Variants in WDPCP observed in about 807,000 individuals in gnomAD.
WDPCP encodes the protein WD repeat containing planar cell polarity effector, also known as WD repeat-containing and planar cell polarity effector protein fritz homolog.
In WDPCP, 71 loss-of-function variants were observed where a neutral mutation model predicts 93.1. The ratio of observed to expected loss-of-function variants is 0.76; its 90% confidence interval spans 0.63 to 0.93. The LOEUF (loss-of-function observed/expected upper bound fraction) is 0.93, where lower values mean the gene tolerates loss of function less well. WDPCP is among the 40% of genes least tolerant of loss of function. The probability of loss-of-function intolerance (pLI) is 0.00; values close to 1 mark genes in which losing one functional copy is unlikely to be tolerated. For synonymous variants in WDPCP, 315 were observed against 315.0 expected (o/e 1.00, Z 0.00); for missense variants, 844 against 887.4 (o/e 0.95, Z 0.62).
chr2:63,344,676 A>G (rs889763248), intron 12 of WDPCP, among the ~76,000 whole-genome samples: 5 of 152,144 alleles, frequency 3.3e-5, no homozygotes, highest in African/African-American at 1.2e-4. Flanking sequence ...TCTCAGACAT[A>G]TAGGTATTAC....
chr2:63,553,348 C>T (rs1451207657), intron 1 of WDPCP, among the ~76,000 whole-genome samples: 1 of 152,120 alleles, frequency 6.6e-6, no homozygotes, highest in African/African-American at 2.4e-5. Flanking sequence ...GATCCTGGTA[C>T]GTGTTAGAGC....
rs567719861 is a variant in WDPCP, at chr2:63,119,633, C to T, written c.*2373G>A. 11 of 152,206 alleles carry T rather than the reference C, an allele frequency of 7.2e-5. No homozygotes were observed. In the South Asian group the frequency reaches 2.1e-3, roughly 29 times the overall value. 9.4% of individuals were successfully genotyped at this position (152,206 alleles called of 1,614,324 possible). On this transcript the variant is annotated 3_prime_UTR_variant, in exon 18 of 18. Coordinates refer to ENST00000272321, the MANE Select transcript of WDPCP (RefSeq NM_015910.7). ...CTAATATAAATTACTGTGGAAATTA[C>T]CTCAGATCTGAGAAATCTGGAAAAT... is the stretch of plus-strand genomic sequence containing the variant.
chr2:63,478,644 C>T (rs1453599144), intron 6 of WDPCP, among the ~76,000 whole-genome samples: 1 of 152,062 alleles, frequency 6.6e-6, no homozygotes, highest in African/African-American at 2.4e-5. Context: ...ATAATAGTGA[C>T]TCAGCCTATC....
intron 1 of WDPCP, among the ~76,000 whole-genome samples, chr2:63,540,125 C>A (rs547539750): frequency 1.6e-4 from 25 of 152,176 alleles, no homozygotes; most frequent in Non-Finnish European, 2.9e-5. Context: ...ATATTCAAGA[C>A]AAAAACAAGT....
chr2:63,296,953 A>G (rs1684914469), intron 13 of WDPCP, among the ~76,000 whole-genome samples: 1 of 152,198 alleles, frequency 6.6e-6, no homozygotes, highest in Admixed American at 6.5e-5. Flanking sequence ...TAAAGTTCTT[A>G]TCGAATCAAA....
chr2:63,343,073 C>T (rs979664375), intron 12 of WDPCP, among the ~76,000 whole-genome samples: 4 of 152,118 alleles, frequency 2.6e-5, no homozygotes, highest in Non-Finnish European at 4.4e-5. Context: ...GGTGCCATCT[C>T]AGCTCACTGC....
At chr2:63,712,441 C>A (rs756509574) in intron 2 of WDPCP, among the ~76,000 whole-genome samples, 2 of 152,206 alleles carry the variant, frequency 1.3e-5, no homozygotes. Context: ...AGAATAATTT[C>A]TCCTGTCCTT....
At chr2:63,414,504 T>C (rs181464573) in intron 9 of WDPCP, among the ~76,000 whole-genome samples, 226 of 151,234 alleles carry the variant, frequency 1.5e-3, no homozygotes, top group African/African-American at 5.0e-3. Context: ...CACATATATA[T>C]ACACACACAC....
At chr2:63,410,963 C>G (rs569179427) in intron 9 of WDPCP, among the ~76,000 whole-genome samples, 10 of 152,248 alleles carry the variant, frequency 6.6e-5, no homozygotes, top group Admixed American at 5.9e-4. Context: ...CAATACTCCA[C>G]TAACAGCACT....
At chr2:63,607,819 T>C (rs1709568028) in intron 3 of WDPCP, among the ~76,000 whole-genome samples, 2 of 123,696 alleles carry the variant, frequency 1.6e-5, no homozygotes, top group Admixed American at 8.4e-5. Flanking sequence ...AGAGCGAGAC[T>C]CCGTCTCAAA....
chr2:63,533,193 C>T (rs984369787), intron 1 of WDPCP, among the ~76,000 whole-genome samples: 10 of 152,160 alleles, frequency 6.6e-5, no homozygotes, highest in Admixed American at 2.0e-4. Context: ...AGTACAGGAG[C>T]ACCCAGATTC....
At chr2:63,176,120 C>A (rs1043404501) in intron 14 of WDPCP, among the ~76,000 whole-genome samples, 6 of 152,130 alleles carry the variant, frequency 3.9e-5, no homozygotes, top group African/African-American at 1.4e-4. Context: ...ACTAGTCATC[C>A]TAATGAATGT....
At chr2:63,507,490 A>G (rs1402592720) in intron 1 of WDPCP, among the ~76,000 whole-genome samples, 1 of 152,122 alleles carries the variant, frequency 6.6e-6, no homozygotes, top group East Asian at 1.9e-4. Flanking sequence ...TAAGGAAGTT[A>G]CTGGAGGATG....
At chr2:63,127,982 TAAAC>T (rs1574668598) in intron 17 of WDPCP, among the ~76,000 whole-genome samples, 1 of 151,754 alleles carries the variant, frequency 6.6e-6, no homozygotes, top group African/African-American at 2.4e-5. Flanking sequence ...CTTCTAAAAA[TAAAC>T]AAATTAGCCG....
intron 14 of WDPCP, among the ~76,000 whole-genome samples, chr2:63,239,299 C>T (rs1003748724): frequency 3.9e-5 from 6 of 152,190 alleles, no homozygotes; most frequent in South Asian, 2.1e-4. Context: ...CTGCAAGCTC[C>T]GCCTCCTGGG....
rs182464068 is a variant in WDPCP, at chr2:63,497,185, G to A, written c.76-4245C>T. Among the ~76,000 whole-genome samples, 4 of 150,984 alleles carry A rather than the reference G, an allele frequency of 2.6e-5. No individual in the cohort carries two copies. The East Asian group carries it at 5.8e-4, about 22-fold the overall frequency. ...TGTGCAGCAGAAAGTAAGCAGGAAT[G>A]GTGAATGTGGTGGTATACAGACAAA... On this transcript the variant is annotated intron_variant, in intron 1 of 17. Transcript: ENST00000272321.
At chr2:63,812,707 T>A (rs1021390618) in intron 2 of WDPCP, among the ~76,000 whole-genome samples, 1 of 152,152 alleles carries the variant, frequency 6.6e-6, no homozygotes, top group Non-Finnish European at 1.5e-5. Context: ...GAATAATCAA[T>A]GGGTGTTGTT....
intron 6 of WDPCP, among the ~76,000 whole-genome samples, chr2:63,470,648 G>A (rs1699637620): frequency 6.6e-6 from 1 of 152,088 alleles, no homozygotes; most frequent in Admixed American, 6.6e-5. Flanking sequence ...CCCATCAATA[G>A]CTACAGTGAT....
chr2:63,273,000 A>G (rs1559270021), intron 13 of WDPCP, among the ~76,000 whole-genome samples: 1 of 152,196 alleles, frequency 6.6e-6, no homozygotes, highest in Non-Finnish European at 1.5e-5. Flanking sequence ...ACAGCAAGAG[A>G]AAAGTGTCAA....
Sources: allele counts gnomAD v4.1 joint callset (sites outside exome capture counted in the v4.1 genomes callset), GRCh38; gene constraint gnomAD v4.1.1; transcripts MANE v1.5; gene names NCBI Gene and HGNC (gene_info 2026-07-23, HGNC 2026-07-21).